Variants in DNAAF11 observed in about 807,000 individuals in gnomAD.
DNAAF11 encodes leucine rich repeat containing 6.
In DNAAF11, 45 loss-of-function variants were observed where a neutral mutation model predicts 60.8. That is an observed-to-expected ratio of 0.74 (90% CI 0.58 to 0.95). DNAAF11 has a LOEUF of 0.95. DNAAF11 is among the 40% of genes least tolerant of loss of function. The pLI, the probability that DNAAF11 is intolerant of heterozygous loss-of-function variation, is 0.00. For synonymous variants in DNAAF11, 191 were observed against 183.5 expected, an observed-to-expected ratio of 1.04 and a Z score of -0.33; for missense variants, 546 against 546.2, an observed-to-expected ratio of 1.00 and a Z score of 0.00.
chr8:132,633,252 G>A (rs1050380966), intron 4 of DNAAF11, among the ~76,000 whole-genome samples: 1 of 151,958 alleles, frequency 6.6e-6, no homozygotes, highest in Admixed American at 6.6e-5. Context: ...TGCTCACTAT[G>A]TCAAAAATGT....
intron 11 of DNAAF11, among the ~76,000 whole-genome samples, chr8:132,577,426 A>G (rs1221068003): frequency 6.6e-6 from 1 of 152,238 alleles, no homozygotes. Context: ...ATCCTTATAC[A>G]AGTCAGGTCC....
chr8:132,687,586 C>G, the DNAAF11 span: 1 of 456,084 alleles, frequency 2.2e-6, no homozygotes, highest in Admixed American at 2.3e-5. Flanking sequence ...GAGTTCTCAC[C>G]AGGTGCTGCA....
chr8:132,654,166 A>G (rs1823303972), intron 3 of DNAAF11, among the ~76,000 whole-genome samples: 1 of 152,108 alleles, frequency 6.6e-6, no homozygotes, highest in African/African-American at 2.4e-5. Flanking sequence ...CAAACATTGT[A>G]ACTATAGACA....
At chr8:132,693,463 G>A in the DNAAF11 span, among the ~76,000 whole-genome samples, 1 of 151,938 alleles carries the variant, frequency 6.6e-6, no homozygotes, top group South Asian at 2.1e-4. Context: ...GTGTGTGTGT[G>A]TGTGTGTGCG....
intron 2 of DNAAF11, among the ~76,000 whole-genome samples, chr8:132,659,408 T>C (rs778247911): frequency 5.3e-5 from 8 of 152,194 alleles, no homozygotes; most frequent in Non-Finnish European, 8.8e-5. Context: ...AAGAGTACTT[T>C]GGAAGCAAAA....
intron 11 of DNAAF11, among the ~76,000 whole-genome samples, chr8:132,573,009 C>T (rs1369501536): frequency 6.6e-6 from 1 of 152,104 alleles, no homozygotes; most frequent in South Asian, 2.1e-4. Context: ...GCCTTCTGCA[C>T]TCACTCAGTT....
At chr8:132,675,366 C>T in intron 1 of DNAAF11, 118 bp downstream of exon 1, 3 of 1,190,978 alleles carry the variant, frequency 2.5e-6, no homozygotes, top group Non-Finnish European at 3.5e-6. Context: ...GGTTAGGGTC[C>T]GCCCAGGCGC....
At chr8:132,691,504 C>A in the DNAAF11 span, among the ~76,000 whole-genome samples, 1 of 152,080 alleles carries the variant, frequency 6.6e-6, no homozygotes, top group East Asian at 1.9e-4. Flanking sequence ...TGGGTTCTCA[C>A]ACTGCTAAAA....
At chr8:132,572,812 C>G (rs1251290298) in intron 11 of DNAAF11, among the ~76,000 whole-genome samples, 3 of 152,186 alleles carry the variant, frequency 2.0e-5, no homozygotes, top group Non-Finnish European at 4.4e-5. Context: ...AGGCAACGCC[C>G]TACAGCCAAG....
At chr8:132,689,151 A>G in the DNAAF11 span, among the ~76,000 whole-genome samples, 1 of 152,180 alleles carries the variant, frequency 6.6e-6, no homozygotes, top group South Asian at 2.1e-4. Flanking sequence ...CTTGTTCTCC[A>G]ACTGATGAGT....
Position 132,571,742 on chromosome 8 carries a change from G to T in DNAAF11, c.*564C>A, listed in dbSNP as rs75917665. Among the ~76,000 whole-genome samples the T allele has an allele frequency of 0.032, 4,808 of 152,258 alleles. 106 individuals are homozygous for T. Among genetic ancestry groups the T allele is most frequent in the Middle Eastern group, 0.068 (20 of 294 alleles). On this transcript the variant is annotated 3_prime_UTR_variant, in exon 12 of 12. Coordinates refer to ENST00000620350, the MANE Select transcript of DNAAF11 (RefSeq NM_012472.6). ...ATACATGAAGCCACTAAGGCTCAGA[G>T]AATTAAAGGACTTGCTGAAGGTCTT... is the stretch of plus-strand genomic sequence containing the variant.
intron 11 of DNAAF11, among the ~76,000 whole-genome samples, chr8:132,580,695 T>C (rs1310996760): frequency 6.6e-6 from 1 of 152,190 alleles, no homozygotes; most frequent in Non-Finnish European, 1.5e-5. Context: ...TACAAACAGA[T>C]ACCAAATAAG....
At chr8:132,615,566 C>T (rs1819064678) in intron 7 of DNAAF11, among the ~76,000 whole-genome samples, 1 of 152,124 alleles carries the variant, frequency 6.6e-6, no homozygotes. Flanking sequence ...CATCGCTGAC[C>T]TTTCCATTGC....
At chr8:132,669,471 A>C (rs1363586351) in intron 1 of DNAAF11, among the ~76,000 whole-genome samples, 1 of 152,210 alleles carries the variant, frequency 6.6e-6, no homozygotes, top group African/African-American at 2.4e-5. Context: ...GGTGTTAGAG[A>C]AATGTGAGAG....
intron 10 of DNAAF11, among the ~76,000 whole-genome samples, chr8:132,586,728 A>G (rs1815940217): frequency 6.6e-6 from 1 of 152,120 alleles, no homozygotes; most frequent in Non-Finnish European, 1.5e-5. Flanking sequence ...TGGCCAATTG[A>G]AAAGACTCAG....
intron 10 of DNAAF11, among the ~76,000 whole-genome samples, chr8:132,607,875 A>C (rs112863760): frequency 0.014 from 2,189 of 152,236 alleles, 60 homozygotes; most frequent in African/African-American, 0.049. Context: ...TGATGGACAA[A>C]TGTTGATTCT....
chr8:132,656,963 T>A (rs954916692), intron 2 of DNAAF11, 56 bp from the exon 3 acceptor site: 1 of 609,018 alleles, frequency 1.6e-6, no homozygotes, highest in Admixed American at 3.3e-5. Context: ...AAGACACTTT[T>A]ATGTAATCTA....
At chr8:132,696,689 C>T in the DNAAF11 span, among the ~76,000 whole-genome samples, 1 of 152,134 alleles carries the variant, frequency 6.6e-6, no homozygotes, top group Non-Finnish European at 1.5e-5. Flanking sequence ...TGCATATACA[C>T]CATGGAATAC....
At chr8:132,678,272 C>T (rs973968304), upstream of DNAAF11, among the ~76,000 whole-genome samples, 1 of 152,162 alleles carries the variant, frequency 6.6e-6, no homozygotes, top group Non-Finnish European at 1.5e-5. Flanking sequence ...CGTGTTGCCA[C>T]CAATGGCTAT....
Sources: gnomAD v4.1 joint callset for allele counts (sites outside exome capture counted in the v4.1 genomes callset) on GRCh38, gnomAD v4.1.1 for gene constraint, MANE v1.5 for transcripts, NCBI Gene and HGNC (gene_info 2026-07-23, HGNC 2026-07-21) for gene names.